Variants in TPPP2 observed in about 807,000 individuals in gnomAD.
TPPP2 encodes the protein tubulin polymerization promoting protein family member 2.
TPPP2 carries 8 observed loss-of-function variants against 13.0 expected under a neutral mutation model. The observed-to-expected ratio is 0.62, with a 90% CI of 0.36 to 1.11. TPPP2 has a LOEUF of 1.11. Ranked by LOEUF, TPPP2 falls within the 50% of genes most tolerant of loss-of-function variation. The probability of loss-of-function intolerance (pLI) is 0.02; values close to 1 mark genes in which losing one functional copy is unlikely to be tolerated. For missense variants in TPPP2, 213 were observed against 216.9 expected (o/e 0.98, Z 0.11); for synonymous variants, 81 against 81.8 (o/e 0.99, Z 0.05).
At chr14:21,027,057 G>T (rs1199729132), upstream of TPPP2, among the ~76,000 whole-genome samples, 1 of 152,188 alleles carries the variant, frequency 6.6e-6, no homozygotes, top group Non-Finnish European at 1.5e-5. Context: ...GGGTCAGGAT[G>T]ACTCAGGGGG....
intron 1 of TPPP2, chr14:21,024,842 C>A: frequency 1.0e-6 from 1 of 985,792 alleles, no homozygotes; most frequent in South Asian, 4.7e-5. Context: ...CACAACCTCG[C>A]GCGCACCCCA....
At chr14:21,034,564 G>T (rs1884490370), downstream of TPPP2, 1 of 404,860 alleles carries the variant, frequency 2.5e-6, no homozygotes, top group Admixed American at 4.0e-5. Context: ...GCTCTAACTG[G>T]TCCTTGGGTG....
upstream of TPPP2, among the ~76,000 whole-genome samples, chr14:21,028,266 G>T (rs1044673873): frequency 6.6e-6 from 1 of 151,718 alleles, no homozygotes; most frequent in African/African-American, 2.4e-5. Context: ...GTTTTGTTTT[G>T]TTTTTGAGAT....
downstream of TPPP2, chr14:21,033,772 G>C: frequency 8.1e-7 from 1 of 1,230,198 alleles, no homozygotes; most frequent in Non-Finnish European, 1.2e-6. Context: ...GTTGGAAATG[G>C]AGACAGCTGG....
chr14:21,035,140 G>A (rs898092799), downstream of TPPP2, among the ~76,000 whole-genome samples: 2 of 152,220 alleles, frequency 1.3e-5, no homozygotes, highest in Admixed American at 1.3e-4. Flanking sequence ...AAAGTGCTGG[G>A]CTGAGAATCA....
At chr14:21,033,698 T>C (rs969671669), downstream of TPPP2, 2 of 754,776 alleles carry the variant, frequency 2.6e-6, no homozygotes, top group Admixed American at 1.9e-5. Flanking sequence ...CCACCTGGTC[T>C]CTTGGGAGGG....
At chr14:21,024,922 C>T (rs1442614505) in intron 1 of TPPP2, 1 of 985,668 alleles carries the variant, frequency 1.0e-6, no homozygotes, top group Non-Finnish European at 1.2e-6. Context: ...CGTGCTGGCC[C>T]TTTCCCCCGA....
chr14:21,032,947 G>A (rs1177940508), downstream of TPPP2: 3 of 455,962 alleles, frequency 6.6e-6, no homozygotes, highest in Admixed American at 2.4e-5. Flanking sequence ...ACTCAGATGT[G>A]GTTTTAGAAA....
rs755977945 is a variant in TPPP2 at position 21,031,154 on chromosome 14, A to C, written c.316A>C (p.Thr106Pro). The C allele has an allele frequency of 1.9e-6, 3 of 1,613,508 alleles. No homozygotes were observed. The Admixed American group carries it at 5.0e-5, about 27-fold the overall frequency. Residue 106 changes from threonine (T) to proline (P), a missense_variant, in exon 3 of 4, where the codon ACT (threonine) becomes CCT (proline). Thr to Pro is a conservative substitution (Grantham distance 38). Coordinates refer to ENST00000321760, the MANE Select transcript of TPPP2 (RefSeq NM_173846.5). ...GLMEGKDPAT[T>P]GATKATTVGA... Reference sequence around the variant, plus strand: ...CATGGAGGGCAAAGACCCAGCCACCACTGGCGCTACTGTGAGTGACAGCCT... The same window carrying C: ...CATGGAGGGCAAAGACCCAGCCACCCCTGGCGCTACTGTGAGTGACAGCCT...
rs1178529450 is a variant in TPPP2, at chr14:21,032,221, G to T, written c.*144G>T. 7 of 892,178 alleles carry T rather than the reference G, an allele frequency of 7.8e-6. No individual in the cohort carries two copies. Among genetic ancestry groups the T allele is most frequent in the Non-Finnish European group, 1.1e-5 (6 of 553,160 alleles). The allele number at this position is 892,178 out of a possible 1,614,324, so 55.3% of individuals were successfully genotyped here. On this transcript the variant is annotated 3_prime_UTR_variant, in exon 4 of 4. Coordinates refer to ENST00000321760, the MANE Select transcript of TPPP2 (RefSeq NM_173846.5). ...ATGAGCCTACTAGTGTAGAGAGAGG[G>T]AGAAGAGGCAGCACAGGAGGGTGGG...
Position 21,030,975 on chromosome 14 carries a change from T to C in TPPP2, c.174-37T>C, listed in dbSNP as rs372513527. ...TGGACCTTGGAAGGTAATGCATTCA[T>C]GCTCCAAAGTTTCTGGATTTCTGTC... On this transcript the variant is annotated intron_variant, in intron 2 of 3. Coordinates refer to ENST00000321760, the MANE Select transcript of TPPP2 (RefSeq NM_173846.5). 16 of 1,577,444 alleles carry C rather than the reference T, an allele frequency of 1.0e-5. No individual in the cohort carries two copies. In the African/African-American group the frequency reaches 2.0e-4, roughly 20 times the overall value.
At chr14:21,031,559 G>T (rs575079613) in intron 3 of TPPP2, among the ~76,000 whole-genome samples, 2 of 152,250 alleles carry the variant, frequency 1.3e-5, no homozygotes, top group South Asian at 4.1e-4. Flanking sequence ...TGAACTAAAA[G>T]CTCTTTCTAC....
upstream of TPPP2, chr14:21,025,695 GT>G (rs1883495749): frequency 1.0e-6 from 1 of 984,944 alleles, no homozygotes; most frequent in Non-Finnish European, 1.2e-6. This position sits in a 1 kb window ranked among gnomAD's most constrained non-coding sequence, Gnocchi z 5.1. Flanking sequence ...TCTTTGCTGC[GT>G]CCCGACGCCT....
chr14:21,033,689 C>T, downstream of TPPP2: 1 of 719,940 alleles, frequency 1.4e-6, no homozygotes, highest in East Asian at 2.5e-5. Flanking sequence ...TTTTCGCACC[C>T]ACCTGGTCTC....
At position 21,030,613 on chromosome 14, in the gene TPPP2, G is replaced by A. The variant is rs755481736; in HGVS notation, c.32G>A (p.Arg11Gln). 1.0e-4 allele frequency: 162 copies of A among 1,613,626 alleles called. No individual in the cohort carries two copies. The highest frequency in any genetic ancestry group is 1.3e-4 in the East Asian group (6 of 44,876). Reference protein sequence around the residue: MASEAEKTFHRFAAFGESSSS... With the variant: MASEAEKTFHQFAAFGESSSS... ...TCAGAGGCAGAAAAAACATTCCATC[G>A]GTTTGCTGCGTTTGGAGAATCATCA... is the stretch of plus-strand genomic sequence containing the variant. Residue 11 changes from arginine to glutamine, a missense_variant, in exon 2 of 4, where the codon CGG (arginine) becomes CAG (glutamine). Transcript: ENST00000321760.
chr14:21,033,785 T>G, downstream of TPPP2: 2 of 1,322,920 alleles, frequency 1.5e-6, no homozygotes, highest in Non-Finnish European at 2.2e-6. Flanking sequence ...ACAGCTGGCC[T>G]GTGGTGGTAG....
chr14:21,029,037 T>C (rs1392744407), upstream of TPPP2: 1 of 152,246 alleles, frequency 6.6e-6, no homozygotes, highest in Admixed American at 6.5e-5. Flanking sequence ...TAGAAACTTA[T>C]CTGAAGATTT....
downstream of TPPP2, chr14:21,034,203 C>A: frequency 6.2e-7 from 1 of 1,614,088 alleles, no homozygotes; most frequent in Admixed American, 1.7e-5. Context: ...GAAGTTCCTG[C>A]TGCCAATCTG....
Position 21,031,933 on chromosome 14 carries a change from C to G in TPPP2, c.369C>G (p.Thr123=), listed in dbSNP as rs747127204. 6.2e-7 allele frequency: 1 copy of G among 1,614,128 alleles called. No individual in the cohort carries two copies. Among genetic ancestry groups the G allele is most frequent in the Admixed American group, 1.7e-5 (1 of 60,006 alleles). ...TVGAVDRLTD[T]SKYTGTHKER... ...GTGCAGTGGACCGTTTGACAGACAC[C>G]AGCAAGTACACCGGCACCCACAAGG... Residue 123 remains threonine (T), a synonymous_variant, in exon 4 of 4, where the codon ACC becomes ACG. Transcript: ENST00000321760.
Sources: gnomAD v4.1 joint callset for allele counts (sites outside exome capture counted in the v4.1 genomes callset) on GRCh38, gnomAD v4.1.1 for gene constraint, Gnocchi (gnomAD v3.1) non-coding constraint, MANE v1.5 for transcripts, NCBI Gene and HGNC (gene_info 2026-07-23, HGNC 2026-07-21) for gene names.